Variants in RUVBL1 observed in about 807,000 individuals in gnomAD.
RUVBL1 encodes RuvB like AAA ATPase 1.
RUVBL1 carries 4 observed loss-of-function variants against 52.4 expected under a neutral mutation model. That is an observed-to-expected ratio of 0.08 (90% CI 0.04 to 0.17). The LOEUF (loss-of-function observed/expected upper bound fraction) is 0.17. RUVBL1 is among the 10% of genes least tolerant of loss of function. The pLI is 1.00. For synonymous variants in RUVBL1, 217 were observed against 214.4 expected, an observed-to-expected ratio of 1.01 and a Z score of -0.10; for missense variants, 298 against 572.8, an observed-to-expected ratio of 0.52 and a Z score of 4.90.
chr3:128,090,335 C>T lies in RUVBL1; in HGVS notation c.1017-2527G>A, dbSNP rs976316270. On this transcript the variant is annotated intron_variant, in intron 8 of 10. Coordinates refer to ENST00000322623, the MANE Select transcript of RUVBL1 (RefSeq NM_003707.3). ...TCACGAGGTCAGGAGATTGAGACCA[C>T]GGTGAAACCCCGTCTCTACTAAAAA... 3.9e-5 allele frequency among the ~76,000 whole-genome samples: 6 copies of T among 151,906 alleles called. No homozygotes were observed. The South Asian group carries it at 6.2e-4, about 16-fold the overall frequency.
intron 9 of RUVBL1, among the ~76,000 whole-genome samples, chr3:128,086,437 C>T (rs1395927791): frequency 6.6e-6 from 1 of 152,254 alleles, no homozygotes; most frequent in Non-Finnish European, 1.5e-5. Flanking sequence ...GGTGAAAAGA[C>T]AAGGTCCAGG....
chr3:128,075,197 A>G (rs575520381), intron 9 of RUVBL1: 1 of 152,346 alleles, frequency 6.6e-6, no homozygotes, highest in East Asian at 1.9e-4. Context: ...GATAGCAGAT[A>G]TTAAAGTGAT....
intron 8 of RUVBL1, among the ~76,000 whole-genome samples, chr3:128,088,335 G>A (rs1942717107): frequency 6.7e-6 from 1 of 149,092 alleles, no homozygotes; most frequent in South Asian, 2.1e-4. Context: ...TGGGAAGGAG[G>A]AAAAAAATAA....
chr3:128,070,127 C>T (rs2107655562), intron 9 of RUVBL1: 1 of 154,636 alleles, frequency 6.5e-6, no homozygotes, highest in East Asian at 1.9e-4. Context: ...ACCTTGCTGG[C>T]ATGTCTCCTT....
intron 1 of RUVBL1, among the ~76,000 whole-genome samples, chr3:128,132,263 G>T (rs1273268906): frequency 6.6e-6 from 1 of 152,168 alleles, no homozygotes; most frequent in Non-Finnish European, 1.5e-5. Flanking sequence ...CCTCATCACC[G>T]CAGGCTAAAG....
intron 4 of RUVBL1, among the ~76,000 whole-genome samples, chr3:128,102,039 G>A (rs530417693): frequency 4.3e-4 from 66 of 152,320 alleles, no homozygotes; most frequent in African/African-American, 1.3e-3. Context: ...CAGGACCACA[G>A]GCCCTATCAC....
intron 1 of RUVBL1, among the ~76,000 whole-genome samples, chr3:128,151,016 A>C (rs181105154): frequency 2.4e-4 from 20 of 82,354 alleles, no homozygotes; most frequent in South Asian, 3.2e-4. Flanking sequence ...ATTATATATT[A>C]TATATATAAT....
chr3:128,082,816 C>G lies in RUVBL1; in HGVS notation c.1120-242G>C, dbSNP rs1267311550. On this transcript the variant is annotated intron_variant, in intron 9 of 10. Coordinates refer to ENST00000322623, the MANE Select transcript of RUVBL1 (RefSeq NM_003707.3). This position sits in a 1 kb window ranked among gnomAD's most constrained non-coding sequence, Gnocchi z 4.7. ...CGGCCAGTGTGCTGTATTCAACTGA[C>G]TCAAGTGTGGCTGGTGCCCAAGGAG... 1 of 383,222 alleles carries G rather than the reference C, an allele frequency of 2.6e-6. No individual in the cohort carries two copies. The highest frequency in any genetic ancestry group is 2.1e-5 in the African/African-American group (1 of 47,366). 23.7% of individuals were successfully genotyped at this position (383,222 alleles called of 1,614,324 possible).
rs1048356265 is a variant in RUVBL1, at chr3:128,113,036, A to G, written c.229-16T>C. 1 of 1,612,660 alleles carries G rather than the reference A, an allele frequency of 6.2e-7. No homozygotes were observed. The highest frequency in any genetic ancestry group is 1.1e-5 in the South Asian group (1 of 90,844). On this transcript the variant is annotated splice_polypyrimidine_tract_variant and intron_variant, in intron 2 of 10. Coordinates refer to ENST00000322623, the MANE Select transcript of RUVBL1 (RefSeq NM_003707.3). ...CCAGAGCTGTCTACAAAAGAAAGCAACGGAAACACAGTTCACAGTCCTGAA... is the reference window on the plus strand; with the variant it reads ...CCAGAGCTGTCTACAAAAGAAAGCAGCGGAAACACAGTTCACAGTCCTGAA...
In RUVBL1 at chr3:128,081,493, G is replaced by A; in HGVS notation, c.1212-84C>T. The A allele has an allele frequency of 7.1e-7, 1 of 1,403,002 alleles. No homozygotes were observed. The highest frequency in any genetic ancestry group is 1.3e-5 in the South Asian group (1 of 75,570). The allele number at this position is 1,403,002 out of a possible 1,614,324, so 86.9% of individuals were successfully genotyped here. On this transcript the variant is annotated intron_variant, in intron 10 of 10. Transcript: ENST00000322623. The surrounding 1 kb of genome is among the most constrained non-coding windows in gnomAD (Gnocchi z 4.8). ...CCCCCCACATCAGTAGGCAGCACTGGCACCAGGAGCAGAGCCCAGTGCTGG... is the reference window on the plus strand; with the variant it reads ...CCCCCCACATCAGTAGGCAGCACTGACACCAGGAGCAGAGCCCAGTGCTGG...
chr3:128,121,288 G>A (rs1034377468), intron 1 of RUVBL1, among the ~76,000 whole-genome samples: 1 of 151,624 alleles, frequency 6.6e-6, no homozygotes, highest in East Asian at 2.0e-4. Context: ...TAGAGACAGG[G>A]TTTCGTCATG....
At chr3:128,100,323 G>T (rs1031622979) in intron 6 of RUVBL1, among the ~76,000 whole-genome samples, 68 of 152,208 alleles carry the variant, frequency 4.5e-4, no homozygotes, top group African/African-American at 1.5e-3. Context: ...GCCCACTGCT[G>T]GAGTGAAGCC....
chr3:128,083,299 C>T lies in RUVBL1; in HGVS notation c.1120-725G>A, dbSNP rs887750047. 2.0e-5 allele frequency: 3 copies of T among 152,270 alleles called. No individual in the cohort carries two copies. The East Asian group carries it at 5.8e-4, about 29-fold the overall frequency. 9.4% of individuals were successfully genotyped at this position (152,270 alleles called of 1,614,324 possible). ...CTGAGATAACTGCAGGACTTCGAGC[C>T]GCATATAATACAGGAATTTTTCACT... On this transcript the variant is annotated intron_variant, in intron 9 of 10. Coordinates refer to ENST00000322623, the MANE Select transcript of RUVBL1 (RefSeq NM_003707.3).
At chr3:128,096,410 C>T (rs1015910872) in intron 8 of RUVBL1, among the ~76,000 whole-genome samples, 8 of 152,170 alleles carry the variant, frequency 5.3e-5, no homozygotes, top group Non-Finnish European at 1.0e-4. Flanking sequence ...GGATGAGCAC[C>T]GTATGAACAC....
At position 128,081,419 on chromosome 3, in the gene RUVBL1, A is replaced by C. The variant is rs751296279; in HGVS notation, c.1212-10T>G. 7 of 1,610,062 alleles carry C rather than the reference A, an allele frequency of 4.3e-6. No individual in the cohort carries two copies. The highest frequency in any genetic ancestry group is 5.9e-6 in the Non-Finnish European group (7 of 1,176,726). ...CAGCTGCACTGAGTACCTAGAGTGGACAGGGGCCAGGGCTGGAGTGAAACT... is the reference window on the plus strand; with the variant it reads ...CAGCTGCACTGAGTACCTAGAGTGGCCAGGGGCCAGGGCTGGAGTGAAACT... On this transcript the variant is annotated splice_polypyrimidine_tract_variant and intron_variant, in intron 10 of 10. Transcript: ENST00000322623. The surrounding 1 kb of genome is among the most constrained non-coding windows in gnomAD (Gnocchi z 4.8).
intron 1 of RUVBL1, among the ~76,000 whole-genome samples, chr3:128,145,955 A>C (rs1476899561): frequency 6.6e-6 from 1 of 152,192 alleles, no homozygotes; most frequent in East Asian, 1.9e-4. Flanking sequence ...CCCAGGGGGA[A>C]GCAGATAATG....
chr3:128,134,152 G>T (rs1943917410), intron 1 of RUVBL1, among the ~76,000 whole-genome samples: 1 of 152,030 alleles, frequency 6.6e-6, no homozygotes, highest in African/African-American at 2.4e-5. Flanking sequence ...TCAAGCAGAA[G>T]CATTAGTGAG....
At chr3:128,100,857 A>C in intron 5 of RUVBL1, 113 bp from the exon 6 acceptor site, 2 of 1,202,922 alleles carry the variant, frequency 1.7e-6, no homozygotes, top group Non-Finnish European at 2.4e-6. Flanking sequence ...CTGACAGCCT[A>C]CTTGACAAAC....
intron 1 of RUVBL1, among the ~76,000 whole-genome samples, chr3:128,135,061 T>A (rs993560617): frequency 6.6e-6 from 1 of 152,116 alleles, no homozygotes; most frequent in Non-Finnish European, 1.5e-5. Context: ...ATAACCCAAA[T>A]AAGACTATAT....
Sources: allele counts gnomAD v4.1 joint callset (sites outside exome capture counted in the v4.1 genomes callset), GRCh38; gene constraint gnomAD v4.1.1; non-coding constraint Gnocchi (gnomAD v3.1); transcripts MANE v1.5; gene names NCBI Gene and HGNC (gene_info 2026-07-23, HGNC 2026-07-21).